CKM: variants seen among roughly 807,000 people sequenced by gnomAD.
CKM encodes creatine kinase, M-type.
CKM carries 28 observed loss-of-function variants against 35.4 expected under a neutral mutation model. The observed-to-expected ratio is 0.79, with a 90% CI of 0.59 to 1.08. CKM has a LOEUF of 1.08. Among genes scored for constraint, CKM ranks in the 50% least tolerant of loss-of-function variants. The pLI is 0.00. For missense variants in CKM, 484 were observed against 509.8 expected (o/e 0.95, Z 0.49); for synonymous variants, 215 against 204.4 (o/e 1.05, Z -0.44).
chr19:45,306,989 G>T lies in CKM; in HGVS notation c.968-61C>A. 1 of 1,569,366 alleles carries T rather than the reference G, an allele frequency of 6.4e-7. No homozygotes were observed. Among genetic ancestry groups the T allele is most frequent in the Non-Finnish European group, 8.7e-7 (1 of 1,147,146 alleles). On this transcript the variant is annotated intron_variant, in intron 7 of 7. Transcript: ENST00000221476. This position sits in a 1 kb window ranked among gnomAD's most constrained non-coding sequence, Gnocchi z 4.5. ...CGAAGGTGCAGAGGGGCTGGGACGT[G>T]GCCCCCGTGCCAAATGCAACAGCCG...
rs547036105 is a variant in CKM, at chr19:45,317,988, G to A, written c.194-9C>T. 3.7e-6 allele frequency: 6 copies of A among 1,613,720 alleles called. No homozygotes were observed. In the South Asian group the frequency reaches 4.4e-5, roughly 12 times the overall value. ...CATGATGAAGGGGTGACCTGGAGGG[G>A]TGGGGGTGAGGTCAGAGCTGCTTGT... On this transcript the variant is annotated splice_polypyrimidine_tract_variant and intron_variant, in intron 2 of 7. Transcript: ENST00000221476.
chr19:45,316,596 G>T (rs1488064094), intron 3 of CKM, among the ~76,000 whole-genome samples: 1 of 151,800 alleles, frequency 6.6e-6, no homozygotes, highest in Non-Finnish European at 1.5e-5. Context: ...GGGATTACAG[G>T]TATAGCCACT....
rs1971065543 is a variant in CKM at position 45,307,570 on chromosome 19, G to A, written c.858C>T (p.Asn286=). The change falls in exon 7 of 8, where the codon AAC becomes AAT. Residue 286 remains asparagine (N), a synonymous_variant. Coordinates refer to ENST00000221476, the MANE Select transcript of CKM (RefSeq NM_001824.5). ...HLGYVLTCPS[N]LGTGLRGGVH... Reference sequence around the variant, plus strand: ...CGCCTCCACGCAGCCCAGTGCCCAGGTTGGATGGGCAGGTGAGCACGTAGC... The same window carrying A: ...CGCCTCCACGCAGCCCAGTGCCCAGATTGGATGGGCAGGTGAGCACGTAGC... 6.2e-7 allele frequency: 1 copy of A among 1,614,038 alleles called. No homozygotes were observed. Among genetic ancestry groups the A allele is most frequent in the Admixed American group, 1.7e-5 (1 of 60,000 alleles).
chr19:45,309,462 G>A (rs557117494), intron 5 of CKM, among the ~76,000 whole-genome samples: 2 of 150,574 alleles, frequency 1.3e-5, no homozygotes, highest in East Asian at 2.0e-4. Flanking sequence ...AGGCTGAGGC[G>A]GGAGGATCAC....
At chr19:45,315,203 G>A (rs1248621661) in intron 4 of CKM, among the ~76,000 whole-genome samples, 1 of 152,246 alleles carries the variant, frequency 6.6e-6, no homozygotes, top group Admixed American at 6.5e-5. Context: ...AATGTGTGCT[G>A]GATGAACGGA....
intron 5 of CKM, among the ~76,000 whole-genome samples, chr19:45,311,302 C>T (rs895849012): frequency 2.6e-5 from 4 of 151,296 alleles, no homozygotes; most frequent in Non-Finnish European, 4.4e-5. Context: ...GGCACGATCT[C>T]GGCTCACTGC....
intron 1 of CKM, 127 bp from the exon 2 acceptor site, chr19:45,319,858 T>C: frequency 1.4e-6 from 1 of 707,110 alleles, no homozygotes; most frequent in Non-Finnish European, 2.4e-6. Context: ...TGGCACGATC[T>C]CGGCTCACTG....
chr19:45,313,135 T>C (rs1216862935), intron 4 of CKM, among the ~76,000 whole-genome samples: 2 of 152,190 alleles, frequency 1.3e-5, no homozygotes, highest in African/African-American at 4.8e-5. Flanking sequence ...CTGTGTTTTT[T>C]ACAAATTGGA....
intron 4 of CKM, among the ~76,000 whole-genome samples, chr19:45,313,382 G>A (rs1387106490): frequency 6.6e-6 from 1 of 152,128 alleles, no homozygotes; most frequent in Non-Finnish European, 1.5e-5. Flanking sequence ...ATAAATGTGT[G>A]TGCTCGGACT....
rs956909549 is a variant in CKM at position 45,315,653 on chromosome 19, C to T, written c.349-56G>A. The T allele has an allele frequency of 5.7e-6, 9 of 1,587,966 alleles. No homozygotes were observed. The Admixed American group carries it at 1.4e-4, about 24-fold the overall frequency. On this transcript the variant is annotated intron_variant, in intron 3 of 7. Coordinates refer to ENST00000221476, the MANE Select transcript of CKM (RefSeq NM_001824.5). Reference sequence around the variant, plus strand: ...CAGATCCTCCGCCCTCTCCAGCAAGCCCAGGTCTCCCCCAGATGCTCCCCT... The same window carrying T: ...CAGATCCTCCGCCCTCTCCAGCAAGTCCAGGTCTCCCCCAGATGCTCCCCT...
At chr19:45,320,405 A>G (rs344818) in intron 1 of CKM, among the ~76,000 whole-genome samples, 83,369 of 152,116 alleles carry the variant, frequency 0.55, 25,702 homozygotes, top group African/African-American at 0.82. Context: ...CCTAGCTCGC[A>G]TCTTGCAGAC....
intron 5 of CKM, among the ~76,000 whole-genome samples, chr19:45,310,839 C>T (rs1384548861): frequency 7.5e-6 from 1 of 132,478 alleles, no homozygotes; most frequent in Non-Finnish European, 1.6e-5. Context: ...GGCACGATCT[C>T]AGCTCACTGC....
chr19:45,315,088 T>C (rs1421681005), intron 4 of CKM, among the ~76,000 whole-genome samples: 1 of 152,132 alleles, frequency 6.6e-6, no homozygotes, highest in African/African-American at 2.4e-5. Context: ...AATTATCTTG[T>C]TCATCTGTGG....
intron 5 of CKM, 81 bp from the exon 6 acceptor site, chr19:45,308,613 C>G: frequency 3.1e-6 from 5 of 1,589,776 alleles, no homozygotes; most frequent in Non-Finnish European, 2.6e-6. Flanking sequence ...AAAACATCTG[C>G]CCACCGATGG....
chr19:45,319,544 A>T lies in CKM; in HGVS notation c.170T>A (p.Ile57Asn). Residue 57 changes from isoleucine (I) to asparagine (N), a missense_variant, in exon 2 of 8, where the codon ATC becomes AAC. Physicochemically the swap from Ile to Asn is moderately radical, Grantham distance 149. Transcript: ENST00000221476. Reference protein sequence around the residue: ...TPSGFTVDDVIQTGVDNPGHP... With the variant: ...TPSGFTVDDVNQTGVDNPGHP... ...ACCTGGGTTGTCCACTCCTGTCTGG[A>T]TGACATCGTCTACAGTGAAGCCAGA... The T allele has an allele frequency of 6.2e-7, 1 of 1,613,880 alleles. No individual in the cohort carries two copies. The highest frequency in any genetic ancestry group is 8.5e-7 in the Non-Finnish European group (1 of 1,179,974).
intron 5 of CKM, 112 bp downstream of exon 5, chr19:45,311,637 A>G: frequency 1.1e-6 from 1 of 882,122 alleles, no homozygotes; most frequent in Non-Finnish European, 1.7e-6. Context: ...TGGCATTTAG[A>G]AGATCATAAT....
At chr19:45,317,338 A>G (rs916392989) in intron 3 of CKM, among the ~76,000 whole-genome samples, 1 of 152,050 alleles carries the variant, frequency 6.6e-6, no homozygotes, top group Non-Finnish European at 1.5e-5. Context: ...CCCAGGCTGG[A>G]GTGCAATGGC....
intron 5 of CKM, among the ~76,000 whole-genome samples, chr19:45,309,977 T>G (rs1196747988): frequency 6.6e-6 from 1 of 152,174 alleles, no homozygotes; most frequent in African/African-American, 2.4e-5. Context: ...CTTCATCGAT[T>G]GAAACCTAGG....
intron 4 of CKM, among the ~76,000 whole-genome samples, chr19:45,312,121 A>G (rs1971116245): frequency 6.6e-6 from 1 of 152,172 alleles, no homozygotes; most frequent in East Asian, 1.9e-4. Context: ...CCAGGCCCCC[A>G]GGAATGGCCA....
Sources: gnomAD v4.1 joint callset for allele counts (sites outside exome capture counted in the v4.1 genomes callset) on GRCh38, gnomAD v4.1.1 for gene constraint, Gnocchi (gnomAD v3.1) non-coding constraint, MANE v1.5 for transcripts, NCBI Gene and HGNC (gene_info 2026-07-23, HGNC 2026-07-21) for gene names.